ZBED4: variants seen among roughly 807,000 people sequenced by gnomAD.
The protein encoded by ZBED4 is zinc finger BED domain-containing protein 4.
Under a neutral mutation model 15.5 loss-of-function variants are expected in ZBED4, and 4 were observed. The ratio of observed to expected loss-of-function variants is 0.26; its 90% CI spans 0.13 to 0.59. The LOEUF is 0.59. Among genes scored for constraint, ZBED4 ranks in the 20% least tolerant of loss-of-function variants. ZBED4 has a pLI of 0.90. For missense variants in ZBED4, 1,323 were observed against 1,461.8 expected, an observed-to-expected ratio of 0.91 and a Z score of 1.55; for synonymous variants, 692 against 608.5, an observed-to-expected ratio of 1.14 and a Z score of -2.02.
chr22:49,860,374 T>C (rs1006525026), intron 1 of ZBED4, among the ~76,000 whole-genome samples: 7 of 152,356 alleles, frequency 4.6e-5, no homozygotes, highest in South Asian at 4.1e-4. Context: ...AATTATATGT[T>C]ATTCTGAAAA....
chr22:49,870,549 G>T (rs1162226946), intron 1 of ZBED4, among the ~76,000 whole-genome samples: 1 of 152,076 alleles, frequency 6.6e-6, no homozygotes, highest in Non-Finnish European at 1.5e-5. Flanking sequence ...TCTCGTTGTG[G>T]TTTTGATTTG....
intron 1 of ZBED4, among the ~76,000 whole-genome samples, chr22:49,876,288 C>T (rs1490239778): frequency 1.3e-5 from 2 of 152,126 alleles, no homozygotes; most frequent in Non-Finnish European, 2.9e-5. Flanking sequence ...CCCATTAGGT[C>T]AACTTGGATA....
At chr22:49,878,898 A>C (rs1019680272) in intron 1 of ZBED4, among the ~76,000 whole-genome samples, 3 of 151,810 alleles carry the variant, frequency 2.0e-5, no homozygotes, top group Non-Finnish European at 2.9e-5. Flanking sequence ...TAACCCCAAC[A>C]CTTTGGGAGG....
intron 1 of ZBED4, among the ~76,000 whole-genome samples, chr22:49,873,746 A>G (rs1231984504): frequency 6.6e-6 from 1 of 152,210 alleles, no homozygotes; most frequent in Non-Finnish European, 1.5e-5. Flanking sequence ...TGCAGCCCCA[A>G]GAAAGGCTCA....
At chr22:49,861,352 G>A (rs1304986061) in intron 1 of ZBED4, among the ~76,000 whole-genome samples, 1 of 152,152 alleles carries the variant, frequency 6.6e-6, no homozygotes, top group East Asian at 1.9e-4. Flanking sequence ...GTGTTGGCCA[G>A]GCTGGCCTCA....
Position 49,887,311 on chromosome 22 carries a change from C to A in ZBED4, c.*133C>A. On this transcript the variant is annotated 3_prime_UTR_variant, in exon 2 of 2. Coordinates refer to ENST00000216268, the MANE Select transcript of ZBED4 (RefSeq NM_014838.3). ...GCACTCTCAGGGCCGCTCTCCAGCT[C>A]ACCACAGTGTCTCCACGTGCCTTAC... The A allele has an allele frequency of 1.0e-6, 1 of 959,074 alleles. No homozygotes were observed. The highest frequency in any genetic ancestry group is 1.5e-6 in the Non-Finnish European group (1 of 648,538). The allele number at this position is 959,074 out of a possible 1,614,324, so 59.4% of individuals were successfully genotyped here.
At chr22:49,877,942 G>T (rs1195227589) in intron 1 of ZBED4, among the ~76,000 whole-genome samples, 2 of 152,134 alleles carry the variant, frequency 1.3e-5, no homozygotes, top group Non-Finnish European at 2.9e-5. Context: ...CCATTGTAGG[G>T]CTGTATCACA....
chr22:49,884,345 C>T lies in ZBED4; in HGVS notation c.683C>T (p.Ser228Phe). Residue 228 changes from serine (S) to phenylalanine (F), a missense_variant, in exon 2 of 2, where the codon TCT becomes TTT. Ser to Phe is a radical substitution (Grantham distance 155, BLOSUM62 -2). Coordinates refer to ENST00000216268, the MANE Select transcript of ZBED4 (RefSeq NM_014838.3). Reference protein sequence around the residue: ...SPDRITEESVSVVSSEEISSD... With the variant: ...SPDRITEESVFVVSSEEISSD... ...GATCGAATAACAGAGGAGTCTGTGT[C>T]TGTAGTTTCTTCTGAAGAAATCTCC... The T allele has an allele frequency of 6.2e-7, 1 of 1,613,438 alleles. No individual in the cohort carries two copies. The highest frequency in any genetic ancestry group is 8.5e-7 in the Non-Finnish European group (1 of 1,179,702).
In ZBED4 at chr22:49,886,156, G is replaced by A. The variant is rs1419033183; in HGVS notation, c.2494G>A (p.Val832Met). The A allele has an allele frequency of 1.4e-6, 1 of 695,438 alleles. No homozygotes were observed. Among genetic ancestry groups the A allele is most frequent in the South Asian group, 1.6e-5 (1 of 60,734 alleles). 43.1% of individuals were successfully genotyped at this position (695,438 alleles called of 1,614,324 possible). A position where few individuals can be genotyped will look rare whatever the true frequency, so the allele number is the denominator to read the frequency against. Reference protein sequence around the residue: ...HSSVQCFSHTVNLIVSEAIKS... With the variant: ...HSSVQCFSHTMNLIVSEAIKS... Reference sequence around the variant, plus strand: ...GAGCGTGCAGTGCTTCAGCCATACGGTGAACCTGATCGTCAGCGAGGCCAT... The same window carrying A: ...GAGCGTGCAGTGCTTCAGCCATACGATGAACCTGATCGTCAGCGAGGCCAT... The change falls in exon 2 of 2, where the codon GTG becomes ATG. Residue 832 changes from valine to methionine, a missense_variant. Physicochemically the swap from Val to Met is conservative, Grantham distance 21 (BLOSUM62 1). Coordinates refer to ENST00000216268, the MANE Select transcript of ZBED4 (RefSeq NM_014838.3). The surrounding 1 kb of genome is among the most constrained non-coding windows in gnomAD (Gnocchi z 7.7).
chr22:49,874,306 A>G lies in ZBED4; in HGVS notation c.-329-9028A>G, dbSNP rs189228786. Among the ~76,000 whole-genome samples, 4 of 152,114 alleles carry G rather than the reference A, an allele frequency of 2.6e-5. No individual in the cohort carries two copies. In the East Asian group the frequency reaches 7.7e-4, roughly 29 times the overall value. On this transcript the variant is annotated intron_variant, in intron 1 of 1. Coordinates refer to ENST00000216268, the MANE Select transcript of ZBED4 (RefSeq NM_014838.3). ...TGTGCAGAGTTTTTGCTGTGAATAG[A>G]GGTAGAAGTGTTGGCAAATGTTTTT...
chr22:49,858,092 G>T (rs956302404), intron 1 of ZBED4, among the ~76,000 whole-genome samples: 62 of 152,106 alleles, frequency 4.1e-4, no homozygotes, highest in Non-Finnish European at 5.9e-4. Flanking sequence ...AGTAGAGATG[G>T]GCTGTCACCA....
At chr22:49,881,317 C>T (rs941765175) in intron 1 of ZBED4, among the ~76,000 whole-genome samples, 1 of 152,280 alleles carries the variant, frequency 6.6e-6, no homozygotes, top group Non-Finnish European at 1.5e-5. Flanking sequence ...CCGCTGCACA[C>T]TGCAGCCTGG....
intron 1 of ZBED4, among the ~76,000 whole-genome samples, chr22:49,876,529 T>C (rs1215545099): frequency 1.3e-5 from 2 of 152,242 alleles, no homozygotes; most frequent in African/African-American, 4.8e-5. Flanking sequence ...TTGTTTGTTA[T>C]ATTTAGTATG....
At chr22:49,873,625 CA>C (rs1373999561) in intron 1 of ZBED4, among the ~76,000 whole-genome samples, 2 of 138,544 alleles carry the variant, frequency 1.4e-5, no homozygotes, top group East Asian at 3.9e-4. Context: ...AGGATTGCCA[CA>C]AACCTCCAAT....
intron 1 of ZBED4, among the ~76,000 whole-genome samples, chr22:49,866,871 G>A (rs911505938): frequency 6.6e-6 from 1 of 152,194 alleles, no homozygotes; most frequent in Non-Finnish European, 1.5e-5. Context: ...AGATGCTGGC[G>A]GCTCTTGAAC....
At chr22:49,857,143 A>C (rs2060278166) in intron 1 of ZBED4, among the ~76,000 whole-genome samples, 1 of 152,064 alleles carries the variant, frequency 6.6e-6, no homozygotes, top group Non-Finnish European at 1.5e-5. Context: ...TCTCTGCTCC[A>C]CCTGTTTGCT....
upstream of ZBED4, chr22:49,853,021 C>T (rs541176801): frequency 6.6e-6 from 1 of 152,322 alleles, no homozygotes; most frequent in East Asian, 1.9e-4. Flanking sequence ...TCCACGCTCC[C>T]GCTCCAGCCG....
Position 49,884,154 on chromosome 22 carries a change from A to C in ZBED4, c.492A>C (p.Ala164=). The C allele has an allele frequency of 6.2e-7, 1 of 1,613,574 alleles. No individual in the cohort carries two copies. Among genetic ancestry groups the C allele is most frequent in the Non-Finnish European group, 8.5e-7 (1 of 1,179,846 alleles). Residue 164 remains alanine, a synonymous_variant, in exon 2 of 2, where the codon GCA becomes GCC. Transcript: ENST00000216268. ...TSCLMRHVRR[A]HPTVLIQENG... Reference sequence around the variant, plus strand: ...GTCTCATGAGGCACGTGAGGCGCGCACACCCGACCGTGCTCATTCAGGAAA... The same window carrying C: ...GTCTCATGAGGCACGTGAGGCGCGCCCACCCGACCGTGCTCATTCAGGAAA...
chr22:49,854,563 A>G (rs2060266836), intron 1 of ZBED4, among the ~76,000 whole-genome samples: 1 of 152,166 alleles, frequency 6.6e-6, no homozygotes, highest in East Asian at 1.9e-4. Context: ...CCATAATTTC[A>G]AATGTTTTTC....
Sources: gnomAD v4.1 joint callset for allele counts (sites outside exome capture counted in the v4.1 genomes callset) on GRCh38, gnomAD v4.1.1 for gene constraint, Gnocchi (gnomAD v3.1) non-coding constraint, MANE v1.5 for transcripts, NCBI Gene and HGNC (gene_info 2026-07-23, HGNC 2026-07-21) for gene names.